The following CHST9 variants were observed in gnomAD, a reference collection of about 807,000 sequenced individuals.
CHST9 encodes GalNAc-4-sulfotransferase 2.
Under a neutral mutation model 44.4 loss-of-function variants are expected in CHST9, and 41 were observed. That is an observed-to-expected ratio of 0.92 (90% CI 0.72 to 1.20). The LOEUF is 1.20. CHST9 is among the 50% of genes most tolerant of loss of function. The pLI is 0.00. For missense variants in CHST9, 504 were observed against 516.5 expected (o/e 0.98, Z 0.23); for synonymous variants, 171 against 178.4 (o/e 0.96, Z 0.33).
chr18:27,050,244 T>C (rs2057549755), intron 2 of CHST9, among the ~76,000 whole-genome samples: 1 of 152,148 alleles, frequency 6.6e-6, no homozygotes, highest in Non-Finnish European at 1.5e-5. Context: ...ATAGCTTGAC[T>C]AGAAGCCAAC....
intron 1 of CHST9, among the ~76,000 whole-genome samples, chr18:27,165,765 A>G (rs563017724): frequency 1.3e-5 from 2 of 152,342 alleles, no homozygotes; most frequent in South Asian, 4.1e-4. Context: ...GGTTGATTAA[A>G]TAAATGATAA....
intron 5 of CHST9, among the ~76,000 whole-genome samples, chr18:26,929,951 C>T (rs1444706778): frequency 1.3e-5 from 2 of 152,174 alleles, no homozygotes; most frequent in Non-Finnish European, 2.9e-5. Flanking sequence ...CCACCTGAGT[C>T]CTGGGAGCAG....
At chr18:27,053,135 A>AAGAAGAAGAAGAAGAAGAAGAAGG (rs2057590884) in intron 2 of CHST9, among the ~76,000 whole-genome samples, 4 of 87,354 alleles carry the variant, frequency 4.6e-5, no homozygotes, top group African/African-American at 1.5e-4. Flanking sequence ...GAAGAGGAAG[A>AAGAAGAAGAAGAAGAAGAAGAAGG]AGAAGAAGAA....
intron 2 of CHST9, among the ~76,000 whole-genome samples, chr18:27,115,752 A>G (rs2058314209): frequency 6.6e-6 from 1 of 152,158 alleles, no homozygotes; most frequent in Admixed American, 6.5e-5. Flanking sequence ...GGCTCAAGCA[A>G]TCCTCCCACC....
chr18:27,135,767 C>T (rs1334761874), intron 2 of CHST9, among the ~76,000 whole-genome samples: 3 of 152,190 alleles, frequency 2.0e-5, no homozygotes, highest in African/African-American at 7.2e-5. Flanking sequence ...TCTGGTCTTT[C>T]TCAAGCAGCT....
intron 1 of CHST9, among the ~76,000 whole-genome samples, chr18:27,182,264 A>G (rs1352640747): frequency 6.6e-6 from 1 of 152,164 alleles, no homozygotes; most frequent in African/African-American, 2.4e-5. Flanking sequence ...ATTAGACTAT[A>G]TTTTTAAAGG....
At chr18:27,013,114 A>C (rs2145249737) in intron 4 of CHST9, among the ~76,000 whole-genome samples, 1 of 152,336 alleles carries the variant, frequency 6.6e-6, no homozygotes, top group East Asian at 1.9e-4. Context: ...CATTTATGAA[A>C]TAAAGGATTA....
At chr18:27,115,167 T>G (rs895284560) in intron 2 of CHST9, among the ~76,000 whole-genome samples, 2 of 152,188 alleles carry the variant, frequency 1.3e-5, no homozygotes, top group Non-Finnish European at 2.9e-5. Context: ...GTGAGTCAAT[T>G]AAACCTCTTT....
At chr18:26,969,579 A>G (rs758683496) in intron 4 of CHST9, among the ~76,000 whole-genome samples, 6 of 152,174 alleles carry the variant, frequency 3.9e-5, no homozygotes, top group Non-Finnish European at 5.9e-5. Flanking sequence ...ACAGCAATGA[A>G]TAAGGAAGAA....
chr18:27,152,995 G>A (rs2058670393), intron 1 of CHST9, among the ~76,000 whole-genome samples: 1 of 152,148 alleles, frequency 6.6e-6, no homozygotes, highest in Non-Finnish European at 1.5e-5. Flanking sequence ...CTTGAATAAA[G>A]ACCATGATTG....
intron 2 of CHST9, among the ~76,000 whole-genome samples, chr18:27,053,256 A>AAGAAGAAGAAGAAGAAGGAGAAGG (rs1568151140): frequency 5.0e-5 from 4 of 80,570 alleles, no homozygotes; most frequent in Admixed American, 1.3e-4. Flanking sequence ...GAAGAAGAAG[A>AAGAAGAAGAAGAAGAAGGAGAAGG]AGAAGGAGAA....
intron 2 of CHST9, among the ~76,000 whole-genome samples, chr18:27,129,150 GTTTCTGTAT>G (rs1458231241): frequency 1.9e-3 from 295 of 152,064 alleles, no homozygotes; most frequent in African/African-American, 6.9e-3. Flanking sequence ...GTACTTTCAA[GTTTCTGTAT>G]AAAACACGAT....
At chr18:26,928,805 C>T (rs1052596944) in intron 5 of CHST9, among the ~76,000 whole-genome samples, 1 of 152,018 alleles carries the variant, frequency 6.6e-6, no homozygotes, top group Admixed American at 6.5e-5. Context: ...GCTCTACAGG[C>T]GGGCAGGGTG....
chr18:26,929,755 G>GGA (rs374078716), intron 5 of CHST9, among the ~76,000 whole-genome samples: 5 of 151,700 alleles, frequency 3.3e-5, no homozygotes, highest in East Asian at 3.9e-4. Flanking sequence ...CGGGGTAGGA[G>GGA]GAGAGAGAGA....
intron 2 of CHST9, among the ~76,000 whole-genome samples, chr18:27,122,354 C>T (rs568711154): frequency 6.6e-6 from 1 of 152,234 alleles, no homozygotes; most frequent in African/African-American, 2.4e-5. Flanking sequence ...TACATTAAAG[C>T]TTTATAATAT....
chr18:26,919,723 C>G (rs185756226), intron 5 of CHST9, among the ~76,000 whole-genome samples: 2 of 152,112 alleles, frequency 1.3e-5, no homozygotes, highest in Non-Finnish European at 2.9e-5. Flanking sequence ...CCACCTTCCC[C>G]TGTGGCCTCT....
At chr18:26,970,953 A>C (rs1267683546) in intron 4 of CHST9, among the ~76,000 whole-genome samples, 1 of 152,096 alleles carries the variant, frequency 6.6e-6, no homozygotes, top group East Asian at 1.9e-4. Context: ...ATCTTTTCTC[A>C]GCTCTATTTT....
intron 2 of CHST9, among the ~76,000 whole-genome samples, chr18:27,053,443 T>C (rs1210729090): frequency 6.6e-6 from 1 of 152,108 alleles, no homozygotes; most frequent in Admixed American, 6.6e-5. Flanking sequence ...TTTCTTTTGC[T>C]CCTTCTTCCC....
chr18:26,921,498 C>T (rs1049052457), intron 5 of CHST9, among the ~76,000 whole-genome samples: 1 of 152,194 alleles, frequency 6.6e-6, no homozygotes, highest in Non-Finnish European at 1.5e-5. Context: ...AACTCCTCAT[C>T]TCAATGTCAT....
Sources: gnomAD v4.1 joint callset for allele counts (sites outside exome capture counted in the v4.1 genomes callset) on GRCh38, gnomAD v4.1.1 for gene constraint, MANE v1.5 for transcripts, NCBI Gene and HGNC (gene_info 2026-07-23, HGNC 2026-07-21) for gene names.